Variants in SP4 observed in about 807,000 individuals in gnomAD.
SP4 encodes Sp4 transcription factor.
Under a neutral mutation model 72.8 loss-of-function variants are expected in SP4, and 19 were observed. The observed-to-expected ratio is 0.26, with a 90% confidence interval of 0.18 to 0.38. The LOEUF is 0.38. SP4 is among the 10% of genes least tolerant of loss of function. SP4 has a pLI of 1.00. For synonymous variants in SP4, 395 were observed against 333.1 expected, an observed-to-expected ratio of 1.19 and a Z score of -2.02; for missense variants, 1,008 against 926.3, an observed-to-expected ratio of 1.09 and a Z score of -1.14.
chr7:21,494,183 TTAA>T (rs1785050113), intron 5 of SP4, among the ~76,000 whole-genome samples: 1 of 152,204 alleles, frequency 6.6e-6, no homozygotes, highest in Non-Finnish European at 1.5e-5. Context: ...AACATCATTC[TTAA>T]TGATGAAGGA....
At chr7:21,486,178 GT>G (rs139452222) in intron 5 of SP4, among the ~76,000 whole-genome samples, 4,100 of 143,922 alleles carry the variant, frequency 0.028, 100 homozygotes, top group East Asian at 0.082. Flanking sequence ...ATTTTTTCTT[GT>G]TTTTTTTTTC....
In SP4 at chr7:21,488,587, C is replaced by T. The variant is rs564842646; in HGVS notation, c.2107+6464C>T. Among the ~76,000 whole-genome samples, 23 of 149,966 alleles carry T rather than the reference C, an allele frequency of 1.5e-4. No homozygotes were observed. The South Asian group carries it at 2.7e-3, about 18-fold the overall frequency. On this transcript the variant is annotated intron_variant, in intron 5 of 5. Transcript: ENST00000222584. The stretch of plus-strand genomic sequence containing the variant: ...AACAAACACATGTAATCATGCTGCT[C>T]TCTTAAACTTTAAAGGGTTACATTT...
At chr7:21,429,225 C>T (rs1583365512) in intron 2 of SP4, 64 bp from the exon 3 acceptor site, 2 of 869,688 alleles carry the variant, frequency 2.3e-6, no homozygotes, top group East Asian at 2.5e-5. Context: ...CAACTACTGG[C>T]CTCCACTAAA....
At chr7:21,463,602 G>A (rs1784069442) in intron 3 of SP4, among the ~76,000 whole-genome samples, 1 of 152,172 alleles carries the variant, frequency 6.6e-6, no homozygotes, top group African/African-American at 2.4e-5. Flanking sequence ...TGAAGATTGA[G>A]TTCAAAAATA....
At chr7:21,472,168 C>G (rs193095946) in intron 3 of SP4, among the ~76,000 whole-genome samples, 4 of 152,208 alleles carry the variant, frequency 2.6e-5, no homozygotes, top group African/African-American at 9.6e-5. Context: ...TTACACATAG[C>G]AGTAAAAGTT....
chr7:21,477,435 T>C, intron 4 of SP4, 128 bp downstream of exon 4: 1 of 645,518 alleles, frequency 1.5e-6, no homozygotes, highest in Non-Finnish European at 2.8e-6. Context: ...TGATATATAA[T>C]ATTAGAAAGG....
chr7:21,481,778 T>G (rs554625164), intron 4 of SP4, 146 bp from the exon 5 acceptor site: 1 of 635,458 alleles, frequency 1.6e-6, no homozygotes. Flanking sequence ...AACTGAAAAT[T>G]TTCTGATTTG....
chr7:21,465,716 T>A (rs750497197), intron 3 of SP4, among the ~76,000 whole-genome samples: 4 of 151,996 alleles, frequency 2.6e-5, no homozygotes, highest in Non-Finnish European at 4.4e-5. Flanking sequence ...CAATAAAAAA[T>A]TTAGCTGGGT....
intron 5 of SP4, among the ~76,000 whole-genome samples, chr7:21,496,049 C>G (rs1414036598): frequency 6.6e-6 from 1 of 152,054 alleles, no homozygotes; most frequent in Non-Finnish European, 1.5e-5. Flanking sequence ...AAAATCAAAA[C>G]TATAAGGACA....
intron 3 of SP4, among the ~76,000 whole-genome samples, chr7:21,448,772 T>A (rs1262889340): frequency 1.3e-5 from 2 of 152,230 alleles, no homozygotes; most frequent in Non-Finnish European, 2.9e-5. Flanking sequence ...TGTGTGTATG[T>A]TTAACATTTT....
At chr7:21,448,393 A>G (rs10254442) in intron 3 of SP4, among the ~76,000 whole-genome samples, 3,301 of 152,232 alleles carry the variant, frequency 0.022, 123 homozygotes, top group African/African-American at 0.074. Flanking sequence ...CTTATTAAAG[A>G]TCATTGAGCA....
intron 5 of SP4, among the ~76,000 whole-genome samples, chr7:21,500,230 C>T (rs977203955): frequency 7.9e-5 from 12 of 151,960 alleles, no homozygotes; most frequent in Non-Finnish European, 1.3e-4. Context: ...TTGTTCTTGA[C>T]GTACTTTGGA....
chr7:21,433,665 G>C (rs996313348), intron 3 of SP4, among the ~76,000 whole-genome samples: 1 of 152,178 alleles, frequency 6.6e-6, no homozygotes, highest in Non-Finnish European at 1.5e-5. Flanking sequence ...AGTGGGCCGG[G>C]TGCAGTGGCA....
intron 5 of SP4, among the ~76,000 whole-genome samples, chr7:21,489,943 G>A (rs1201049461): frequency 6.6e-6 from 1 of 152,140 alleles, no homozygotes; most frequent in African/African-American, 2.4e-5. Flanking sequence ...GAGCCACAGT[G>A]CCCAGCCCCA....
Position 21,477,681 on chromosome 7 carries a change from C to A in SP4, c.1907+374C>A, listed in dbSNP as rs1393300254. Among the ~76,000 whole-genome samples, 14 of 152,000 alleles carry A rather than the reference C, an allele frequency of 9.2e-5. No individual in the cohort carries two copies. The East Asian group carries it at 2.5e-3, about 27-fold the overall frequency. On this transcript the variant is annotated intron_variant, in intron 4 of 5. Coordinates refer to ENST00000222584, the MANE Select transcript of SP4 (RefSeq NM_003112.5). Reference sequence around the variant, plus strand: ...CCTTCCGAGTAGCTGGGATTAAGTACAGGTGCCCGCCACCACACCCGGCTA... The same window carrying A: ...CCTTCCGAGTAGCTGGGATTAAGTAAAGGTGCCCGCCACCACACCCGGCTA...
chr7:21,492,149 A>T (rs895967606), intron 5 of SP4, among the ~76,000 whole-genome samples: 2 of 152,144 alleles, frequency 1.3e-5, no homozygotes, highest in East Asian at 3.9e-4. Context: ...ACAGAAAGGG[A>T]GGGTAAGGAA....
chr7:21,456,268 A>C (rs76033005), intron 3 of SP4, among the ~76,000 whole-genome samples: 15,466 of 152,194 alleles, frequency 0.1, 1,711 homozygotes, highest in East Asian at 0.54. Context: ...CCTCAGAGTG[A>C]AGCCCTATGC....
At chr7:21,457,956 C>T (rs3807644) in intron 3 of SP4, among the ~76,000 whole-genome samples, 22,253 of 152,014 alleles carry the variant, frequency 0.15, 3,418 homozygotes, top group East Asian at 0.61. Flanking sequence ...GAAATAGTAA[C>T]ATAGGTATTG....
At chr7:21,496,619 C>T (rs762656218) in intron 5 of SP4, among the ~76,000 whole-genome samples, 1 of 152,006 alleles carries the variant, frequency 6.6e-6, no homozygotes, top group Non-Finnish European at 1.5e-5. Context: ...CGATGTGACT[C>T]TCTGCATTTA....
Sources: allele counts gnomAD v4.1 joint callset (sites outside exome capture counted in the v4.1 genomes callset), GRCh38; gene constraint gnomAD v4.1.1; transcripts MANE v1.5; gene names NCBI Gene and HGNC (gene_info 2026-07-23, HGNC 2026-07-21).